The following SORL1 variants were observed in gnomAD, a reference collection of about 807,000 sequenced individuals.
SORL1 encodes the protein sortilin related receptor 1, also known as sortilin-related receptor.
A neutral mutation model predicts 273.7 loss-of-function variants in SORL1; 127 were observed. The observed-to-expected ratio is 0.46, with a 90% CI of 0.40 to 0.54. The LOEUF (loss-of-function observed/expected upper bound fraction) is 0.54, where lower values mean the gene tolerates loss of function less well. SORL1 is among the 20% of genes least tolerant of loss of function. The pLI is 0.00. For missense variants in SORL1, 2,494 were observed against 2,846.1 expected, an observed-to-expected ratio of 0.88 and a Z score of 2.81; for synonymous variants, 1,031 against 1,067.4, an observed-to-expected ratio of 0.97 and a Z score of 0.66.
intron 8 of SORL1, among the ~76,000 whole-genome samples, chr11:121,519,635 GCTT>G (rs1383357427): frequency 6.6e-6 from 1 of 152,180 alleles, no homozygotes; most frequent in African/African-American, 2.4e-5. Flanking sequence ...AACCCTGTGG[GCTT>G]CTATCTGATC....
chr11:121,488,976 G>A lies in SORL1; in HGVS notation c.690+783G>A, dbSNP rs539070983. Among the ~76,000 whole-genome samples, 64 of 152,302 alleles carry A rather than the reference G, an allele frequency of 4.2e-4. No individual in the cohort carries two copies. The South Asian group carries it at 4.6e-3, about 11-fold the overall frequency. On this transcript the variant is annotated intron_variant, in intron 4 of 47. Coordinates refer to ENST00000260197, the MANE Select transcript of SORL1 (RefSeq NM_003105.6). ...GTATGGGCTGGGTCAGTTTACCAGC[G>A]GAGGGGGAATTATTGTTACTTTGGG...
At chr11:121,559,776 T>A in intron 21 of SORL1, 119 bp downstream of exon 21, 1 of 791,956 alleles carries the variant, frequency 1.3e-6, no homozygotes, top group Non-Finnish European at 2.0e-6. Context: ...CACGACAACA[T>A]GCACATTATT....
At chr11:121,496,807 C>T in intron 5 of SORL1, 62 bp from the exon 6 acceptor site, 1 of 1,447,850 alleles carries the variant, frequency 6.9e-7, no homozygotes, top group African/African-American at 1.4e-5. Flanking sequence ...CATTGCAAAA[C>T]TTCCATGCCT....
intron 22 of SORL1, among the ~76,000 whole-genome samples, chr11:121,569,539 G>C (rs1045172461): frequency 6.6e-6 from 1 of 152,148 alleles, no homozygotes; most frequent in Non-Finnish European, 1.5e-5. Context: ...TTTTATGGTC[G>C]AAGCTGTAGG....
At chr11:121,608,211 ATAT>A in intron 38 of SORL1, 35 bp downstream of exon 38, 1 of 1,530,148 alleles carries the variant, frequency 6.5e-7, no homozygotes, top group Non-Finnish European at 9.1e-7. Flanking sequence ...TTTAGAGAAA[ATAT>A]TATACAAACC....
intron 12 of SORL1, among the ~76,000 whole-genome samples, chr11:121,539,097 G>A (rs895219491): frequency 6.6e-6 from 1 of 152,212 alleles, no homozygotes; most frequent in African/African-American, 2.4e-5. Flanking sequence ...AGAACTAGAA[G>A]TCTTATCTTG....
intron 33 of SORL1, 132 bp from the exon 34 acceptor site, chr11:121,604,981 G>C (rs1863446887): frequency 1.6e-6 from 1 of 623,478 alleles, no homozygotes; most frequent in South Asian, 2.3e-5. Flanking sequence ...ACATTGCCCA[G>C]GCCAGTCTCG....
At chr11:121,604,053 T>A (rs529705428) in intron 32 of SORL1, 140 bp from the exon 33 acceptor site, 1 of 1,032,650 alleles carries the variant, frequency 9.7e-7, no homozygotes, top group African/African-American at 1.6e-5. Context: ...CCGGTATAGA[T>A]TCCACCACTG....
rs35311489 is a variant in SORL1, at chr11:121,581,546, T to TA, written c.3581-1902dup. ...AGTCCATCTCTTCCATCCTTGTAAT[T>TA]AAAAAAAAAATATGTATTAAGCATG... is the stretch of plus-strand genomic sequence containing the variant. On this transcript the variant is annotated intron_variant, in intron 25 of 47. Coordinates refer to ENST00000260197, the MANE Select transcript of SORL1 (RefSeq NM_003105.6). Among the ~76,000 whole-genome samples, 347 of 150,004 alleles carry TA rather than the reference T, an allele frequency of 2.3e-3. 3 individuals are homozygous for TA. Among genetic ancestry groups the TA allele is most frequent in the African/African-American group, 7.8e-3 (319 of 40,988 alleles).
At chr11:121,455,984 C>T (rs58224948) in intron 1 of SORL1, among the ~76,000 whole-genome samples, 31,284 of 146,766 alleles carry the variant, frequency 0.21, 3,854 homozygotes, top group African/African-American at 0.36. Context: ...CAGAGTGAGA[C>T]TCCATCTAAA....
In SORL1 at chr11:121,490,123, A is replaced by G; in HGVS notation, c.758+13A>G. On this transcript the variant is annotated intron_variant, in intron 5 of 47. Transcript: ENST00000260197. ...AGTCCTTTTCTTGGTAAGTTGTGTC[A>G]TCTAAGAAATCTTGATATATGTAAC... 6.3e-7 allele frequency: 1 copy of G among 1,597,254 alleles called. No homozygotes were observed. The highest frequency in any genetic ancestry group is 8.6e-7 in the Non-Finnish European group (1 of 1,164,556).
At chr11:121,481,367 T>C (rs1232399149) in intron 3 of SORL1, among the ~76,000 whole-genome samples, 1 of 127,736 alleles carries the variant, frequency 7.8e-6, no homozygotes, top group Non-Finnish European at 1.6e-5. Context: ...CCTCCCCAGC[T>C]TCTTCCATAG....
rs1465278211 is a variant in SORL1, at chr11:121,627,833, T to C, written c.6577+66T>C. On this transcript the variant is annotated intron_variant, in intron 47 of 47. Transcript: ENST00000260197. The surrounding 1 kb of genome is among the most constrained non-coding windows in gnomAD (Gnocchi z 4.9). The stretch of plus-strand genomic sequence containing the variant: ...GACCCCCACGCAGCCAATGACTTGA[T>C]TAGGAAACACCCACCTTCAGCTCCT... The C allele has an allele frequency of 8.8e-7, 1 of 1,140,160 alleles. No individual in the cohort carries two copies. Among genetic ancestry groups the C allele is most frequent in the Non-Finnish European group, 1.3e-6 (1 of 788,674 alleles). 70.6% of individuals were successfully genotyped at this position (1,140,160 alleles called of 1,614,324 possible). A position where few individuals can be genotyped will look rare whatever the true frequency, so the allele number is the denominator to read the frequency against.
At chr11:121,625,894 G>C (rs1863788709) in intron 46 of SORL1, among the ~76,000 whole-genome samples, 1 of 152,074 alleles carries the variant, frequency 6.6e-6, no homozygotes, top group African/African-American at 2.4e-5. Context: ...GTCTTTTTTA[G>C]TTCCATTTAC....
In SORL1 at chr11:121,545,423, A is replaced by G; in HGVS notation, c.2045A>G (p.Tyr682Cys). Residue 682 changes from tyrosine (Y) to cysteine (C), a missense_variant, in exon 14 of 48, where the codon TAT becomes TGT. Around this residue, in one of 3 missense-constraint regions of SORL1, gnomAD observed 710 missense variants for 882.5 expected, o/e 0.80. Transcript: ENST00000260197. ...AACTGCTCCTGCACCCGGGAGGACT[A>G]TGAGTGGTCAGTTCTTCTTTGATGG... Reference protein sequence around the residue: ...VSNCSCTREDYECDFGFKMSE... With the variant: ...VSNCSCTREDCECDFGFKMSE... 1 of 1,613,970 alleles carries G rather than the reference A, an allele frequency of 6.2e-7. No individual in the cohort carries two copies. Among genetic ancestry groups the G allele is most frequent in the Non-Finnish European group, 8.5e-7 (1 of 1,179,934 alleles).
chr11:121,585,439 C>T (rs1022073828), intron 26 of SORL1, among the ~76,000 whole-genome samples: 8 of 151,400 alleles, frequency 5.3e-5, no homozygotes, highest in South Asian at 2.1e-4. Flanking sequence ...ACTGTGATCA[C>T]GCCGCTGCAC....
Position 121,470,023 on chromosome 11 carries a change from C to G in SORL1, c.302C>G (p.Ser101Cys). 1 of 1,612,702 alleles carries G rather than the reference C, an allele frequency of 6.2e-7. No individual in the cohort carries two copies. The highest frequency in any genetic ancestry group is 8.5e-7 in the Non-Finnish European group (1 of 1,178,706). ...KVYGQVSLNDSHNQMVVHWAG... is the reference protein window; with the variant it reads ...KVYGQVSLNDCHNQMVVHWAG... ...CTCTTTCAGGTTAGTCTGAATGATT[C>G]CCACAATCAGATGGTGGTGCACTGG... The change falls in exon 2 of 48, where the codon TCC (serine) becomes TGC (cysteine). Residue 101 changes from serine (S) to cysteine (C), a missense_variant. Ser to Cys is a moderately radical substitution (Grantham distance 112). This residue lies in a region of SORL1 where 175 missense variants were observed against 147.1 expected (regional missense o/e 1.19). Coordinates refer to ENST00000260197, the MANE Select transcript of SORL1 (RefSeq NM_003105.6).
intron 42 of SORL1, 152 bp from the exon 43 acceptor site, chr11:121,619,601 T>G: frequency 7.5e-6 from 5 of 662,656 alleles, no homozygotes; most frequent in East Asian, 2.9e-5. Context: ...TGGAAAATGA[T>G]TTGGGGTAGG....
chr11:121,490,293 G>T (rs1861533398), intron 5 of SORL1, among the ~76,000 whole-genome samples, 183 bp downstream of exon 5: 3 of 152,188 alleles, frequency 2.0e-5, no homozygotes, highest in Non-Finnish European at 1.5e-5. Flanking sequence ...GAGTTGGGGG[G>T]AGGAGAAAGT....
Sources: gnomAD v4.1 joint callset for allele counts (sites outside exome capture counted in the v4.1 genomes callset) on GRCh38, gnomAD v4.1.1 for gene constraint, gnomAD v4.1.1 regional missense constraint, Gnocchi (gnomAD v3.1) non-coding constraint, MANE v1.5 for transcripts, NCBI Gene and HGNC (gene_info 2026-07-23, HGNC 2026-07-21) for gene names.